The following DDR2 variants were observed in gnomAD, a reference collection of about 807,000 sequenced individuals.
DDR2 encodes discoidin domain receptor tyrosine kinase 2.
A neutral mutation model predicts 94.9 loss-of-function variants in DDR2; 27 were observed. The ratio of observed to expected loss-of-function variants is 0.28; its 90% confidence interval spans 0.21 to 0.39. DDR2 has a LOEUF of 0.39. DDR2 is among the 10% of genes least tolerant of loss of function. The pLI is 1.00. For synonymous variants in DDR2, 382 were observed against 377.2 expected (o/e 1.01, Z -0.15); for missense variants, 783 against 1,076.0 (o/e 0.73, Z 3.81).
chr1:162,642,461 T>C (rs939046872), intron 1 of DDR2, among the ~76,000 whole-genome samples: 19 of 151,288 alleles, frequency 1.3e-4, no homozygotes, highest in African/African-American at 3.4e-4. Flanking sequence ...TTTTTTTTTT[T>C]TTTCTTTCAG....
intron 3 of DDR2, among the ~76,000 whole-genome samples, chr1:162,751,323 A>G (rs1004238594): frequency 1.3e-5 from 2 of 152,226 alleles, no homozygotes; most frequent in African/African-American, 4.8e-5. Flanking sequence ...AACCCCATCA[A>G]AAAATGGGCA....
chr1:162,696,908 G>T (rs1452560864), intron 2 of DDR2, among the ~76,000 whole-genome samples: 1 of 152,072 alleles, frequency 6.6e-6, no homozygotes, highest in African/African-American at 2.4e-5. Flanking sequence ...CAATTGTTGG[G>T]CCTGGGTTCC....
chr1:162,640,044 ATT>A (rs879795108), intron 1 of DDR2, among the ~76,000 whole-genome samples: 7 of 142,834 alleles, frequency 4.9e-5, no homozygotes, highest in Admixed American at 7.0e-5. Context: ...GGGTGAAATG[ATT>A]TTTTTTTTTT....
chr1:162,635,474 C>T lies in DDR2; in HGVS notation c.-192+2843C>T, dbSNP rs574212253. On this transcript the variant is annotated intron_variant, in intron 1 of 17. Transcript: ENST00000367921. The stretch of plus-strand genomic sequence containing the variant: ...CGCAGGCATCCAAAAAGCAAACACA[C>T]GTCTAAAAGTGGACCTCCACAGACA... Among the ~76,000 whole-genome samples the T allele has an allele frequency of 5.3e-5, 8 of 152,270 alleles. No homozygotes were observed. The South Asian group carries it at 1.2e-3, about 24-fold the overall frequency.
At chr1:162,730,358 A>G (rs927630509) in intron 3 of DDR2, among the ~76,000 whole-genome samples, 2 of 152,150 alleles carry the variant, frequency 1.3e-5, no homozygotes, top group African/African-American at 4.8e-5. Context: ...CTAAATGCCT[A>G]AGGTCTTCGT....
At chr1:162,656,859 G>T (rs55752422) in intron 2 of DDR2, among the ~76,000 whole-genome samples, 94,326 of 105,652 alleles carry the variant, frequency 0.89, 42,371 homozygotes, top group Non-Finnish European at 0.96. Context: ...TATTTTTTTT[G>T]TTAACAGGGT....
chr1:162,700,485 C>A (rs1660381488), intron 2 of DDR2, among the ~76,000 whole-genome samples: 1 of 152,192 alleles, frequency 6.6e-6, no homozygotes, highest in Non-Finnish European at 1.5e-5. Context: ...TATTCTCAGG[C>A]AGCTAAGACC....
intron 2 of DDR2, among the ~76,000 whole-genome samples, chr1:162,686,720 T>C (rs1451659242): frequency 6.6e-6 from 1 of 152,186 alleles, no homozygotes; most frequent in Non-Finnish European, 1.5e-5. Context: ...TATAATCCTT[T>C]CGATATATAC....
Position 162,685,919 on chromosome 1 carries a change from G to A in DDR2, c.-28+30545G>A, listed in dbSNP as rs144270145. Among the ~76,000 whole-genome samples the A allele has an allele frequency of 3.3e-3, 501 of 152,298 alleles. 1 individual carries two copies. The highest frequency in any genetic ancestry group is 5.0e-3 in the Admixed American group (76 of 15,294). ...AGGGCTGAGATTCATAATCCAGTAAGTTGAGGTACGCACACCAGGCATTCT... is the reference window on the plus strand; with the variant it reads ...AGGGCTGAGATTCATAATCCAGTAAATTGAGGTACGCACACCAGGCATTCT... On this transcript the variant is annotated intron_variant, in intron 2 of 17. Transcript: ENST00000367921.
chr1:162,638,156 G>T (rs1373570138), intron 1 of DDR2, among the ~76,000 whole-genome samples: 1 of 152,098 alleles, frequency 6.6e-6, no homozygotes. Context: ...GAGTAGCTGG[G>T]ATTACAGACA....
At chr1:162,672,033 T>C (rs1441134531) in intron 2 of DDR2, among the ~76,000 whole-genome samples, 2 of 152,186 alleles carry the variant, frequency 1.3e-5, no homozygotes, top group Non-Finnish European at 2.9e-5. Context: ...CCCTCAACTT[T>C]AGTTCATCCT....
At chr1:162,665,333 TG>T (rs974129862) in intron 2 of DDR2, among the ~76,000 whole-genome samples, 1 of 152,178 alleles carries the variant, frequency 6.6e-6, no homozygotes, top group Non-Finnish European at 1.5e-5. Flanking sequence ...CAAGGGACTA[TG>T]TTGTAGATGG....
At chr1:162,656,832 A>AGTT (rs1558008719) in intron 2 of DDR2, among the ~76,000 whole-genome samples, 28 of 18,388 alleles carry the variant, frequency 1.5e-3, no homozygotes, top group African/African-American at 2.7e-3. Flanking sequence ...CTGCCACTGG[A>AGTT]GTTTTTTTTT....
At chr1:162,677,953 T>A (rs1054845563) in intron 2 of DDR2, among the ~76,000 whole-genome samples, 8 of 152,216 alleles carry the variant, frequency 5.3e-5, no homozygotes, top group East Asian at 1.9e-4. Flanking sequence ...ATTTTTTATT[T>A]TTTTTTATTT....
intron 3 of DDR2, among the ~76,000 whole-genome samples, chr1:162,746,590 C>T (rs536008521): frequency 1.3e-5 from 2 of 152,212 alleles, no homozygotes; most frequent in African/African-American, 2.4e-5. Flanking sequence ...CAGACTTAAA[C>T]GTCCCTGTCT....
intron 2 of DDR2, chr1:162,705,008 C>G (rs1660598004): frequency 6.6e-6 from 1 of 152,178 alleles, no homozygotes; most frequent in Non-Finnish European, 1.5e-5. Flanking sequence ...GCATGCTCAC[C>G]CACTCCGGCC....
Position 162,785,744 on chromosome 1 carries a change from TC to T in DDR2, c.*5499del, listed in dbSNP as rs1160413039. On this transcript the variant is annotated 3_prime_UTR_variant, in exon 18 of 18. Transcript: ENST00000367921. ...TGCTTGTAACATGGAGAGTTTATTT[TC>T]AAGTGAGGAAAGAGAAAAAAATTAC... 3.3e-5 allele frequency: 5 copies of T among 152,240 alleles called. No homozygotes were observed. Among genetic ancestry groups the T allele is most frequent in the Non-Finnish European group, 7.3e-5 (5 of 68,052 alleles). 9.4% of individuals were successfully genotyped at this position (152,240 alleles called of 1,614,324 possible). A position where few individuals can be genotyped will look rare whatever the true frequency, so the allele number is the denominator to read the frequency against.
At chr1:162,706,296 C>T (rs1258380848) in intron 2 of DDR2, among the ~76,000 whole-genome samples, 1 of 152,190 alleles carries the variant, frequency 6.6e-6, no homozygotes, top group Non-Finnish European at 1.5e-5. Flanking sequence ...GTAAGGAAGA[C>T]CATGACAAGA....
At chr1:162,757,247 A>G (rs929675507) in intron 7 of DDR2, among the ~76,000 whole-genome samples, 2 of 152,240 alleles carry the variant, frequency 1.3e-5, no homozygotes, top group Admixed American at 6.5e-5. Flanking sequence ...CTATGCACAT[A>G]TAAGTTGTTA....
Sources: gnomAD v4.1 joint callset for allele counts (sites outside exome capture counted in the v4.1 genomes callset) on GRCh38, gnomAD v4.1.1 for gene constraint, MANE v1.5 for transcripts, NCBI Gene and HGNC (gene_info 2026-07-23, HGNC 2026-07-21) for gene names.